HPN: variants seen among roughly 807,000 people sequenced by gnomAD.
The protein encoded by HPN is hepsin.
In HPN, 13 loss-of-function variants were observed where a neutral mutation model predicts 55.9. That is an observed-to-expected ratio of 0.23 (90% CI 0.15 to 0.37). The LOEUF is 0.37. Ranked by LOEUF, HPN falls within the 10% of genes least tolerant of loss-of-function variation. HPN has a pLI of 1.00. For missense variants in HPN, 451 were observed against 575.8 expected (o/e 0.78, Z 2.22); for synonymous variants, 225 against 240.3 (o/e 0.94, Z 0.59).
chr19:35,048,082 A>AAAGGAAGGAAGG (rs1555723024), intron 2 of HPN, among the ~76,000 whole-genome samples: 9 of 96,984 alleles, frequency 9.3e-5, no homozygotes, highest in African/African-American at 3.6e-4. Context: ...GAAAGAAAGA[A>AAAGGAAGGAAGG]AAGGAAGGAA....
In HPN at chr19:35,048,028, A is replaced by AAAAGAAAGAAAGAAAGAAAGAAAG. The variant is rs1555722914; in HGVS notation, c.17-1230_17-1207dup. On this transcript the variant is annotated intron_variant, in intron 2 of 12. Coordinates refer to ENST00000672452, the MANE Select transcript of HPN (RefSeq NM_001384133.1). ...AGAAAAAGAAAGAGAGAGAGAGAGA[A>AAAAGAAAGAAAGAAAGAAAGAAAG]AAAGAAAGAAAGAAAGAAAGAAAGA... Among the ~76,000 whole-genome samples, 14 of 87,452 alleles carry AAAAGAAAGAAAGAAAGAAAGAAAG rather than the reference A, an allele frequency of 1.6e-4. No individual in the cohort carries two copies. In the East Asian group the frequency reaches 1.8e-3, roughly 11 times the overall value. The allele number at this position is 87,452 out of a possible 152,430, so 57.4% of individuals were successfully genotyped here. A position where few individuals can be genotyped will look rare whatever the true frequency, so the allele number is the denominator to read the frequency against.
chr19:35,060,139 A>G lies in HPN; in HGVS notation c.424A>G (p.Arg142Gly). 1 of 1,614,180 alleles carries G rather than the reference A, an allele frequency of 6.2e-7. No individual in the cohort carries two copies. The highest frequency in any genetic ancestry group is 8.5e-7 in the Non-Finnish European group (1 of 1,180,028). ...TCCCATCTCTCCCAGTGATTGCCCC[A>G]GAGGCCGTTTCTTGGCCGCCATCTG... ...LEVISVCDCP[R>G]GRFLAAICQD... The change falls in exon 7 of 13, where the codon AGA becomes GGA. Residue 142 changes from arginine (R) to glycine (G), a missense_variant. Around this residue, in one of 2 missense-constraint regions of HPN, gnomAD observed 378 missense variants for 445.5 expected, o/e 0.85. Coordinates refer to ENST00000672452, the MANE Select transcript of HPN (RefSeq NM_001384133.1).
Position 35,043,595 on chromosome 19 carries a change from C to T in HPN, c.16+1073C>T, listed in dbSNP as rs1231377825. On this transcript the variant is annotated intron_variant, in intron 2 of 12. Coordinates refer to ENST00000672452, the MANE Select transcript of HPN (RefSeq NM_001384133.1). ...GCCAGGATGGGCAGGAAGCACTGAG[C>T]GTGTTGGCTGAAATGATTAGTTCAG... 3.3e-5 allele frequency among the ~76,000 whole-genome samples: 5 copies of T among 152,196 alleles called. No individual in the cohort carries two copies. In the East Asian group the frequency reaches 5.8e-4, roughly 18 times the overall value.
At chr19:35,046,710 G>A (rs1030453556) in intron 2 of HPN, among the ~76,000 whole-genome samples, 13 of 152,264 alleles carry the variant, frequency 8.5e-5, no homozygotes, top group South Asian at 4.1e-4. Context: ...GGTGCTTTGC[G>A]GCTGCCAAGG....
At chr19:35,065,834 T>G (rs761740499) in intron 11 of HPN, 34 bp from the exon 12 acceptor site, 1 of 1,611,966 alleles carries the variant, frequency 6.2e-7, no homozygotes, top group East Asian at 2.2e-5. Flanking sequence ...CCAACCACTT[T>G]GGCCTTCAGC....
chr19:35,062,471 A>G (rs116659876), intron 9 of HPN, among the ~76,000 whole-genome samples: 3,320 of 152,300 alleles, frequency 0.022, 123 homozygotes, highest in African/African-American at 0.077. Context: ...TCCCTCTGCA[A>G]TTCCCTGGAG....
At chr19:35,066,124 C>G in intron 12 of HPN, 92 bp downstream of exon 12, 8 of 1,612,822 alleles carry the variant, frequency 5.0e-6, no homozygotes, top group Non-Finnish European at 6.8e-6. Context: ...GAAACCTACG[C>G]TCAGGCCTAG....
Position 35,065,550 on chromosome 19 carries a change from G to T in HPN, c.919G>T (p.Gly307Trp). The change falls in exon 11 of 13, where the codon GGG (glycine) becomes TGG (tryptophan). Residue 307 changes from glycine to tryptophan, a missense_variant. Transcript: ENST00000672452. Reference protein sequence around the residue: ...GNTQYYGQQAGVLQEARVPII... With the variant: ...GNTQYYGQQAWVLQEARVPII... The stretch of plus-strand genomic sequence containing the variant: ...CTGCACACCCCCAGGCCAACAGGCC[G>T]GGGTACTCCAGGAGGCTCGAGTCCC... 6.2e-7 allele frequency: 1 copy of T among 1,613,976 alleles called. No individual in the cohort carries two copies. The highest frequency in any genetic ancestry group is 8.5e-7 in the Non-Finnish European group (1 of 1,179,986).
At chr19:35,045,612 G>A (rs939575171) in intron 2 of HPN, among the ~76,000 whole-genome samples, 5 of 152,144 alleles carry the variant, frequency 3.3e-5, no homozygotes, top group Non-Finnish European at 7.4e-5. Flanking sequence ...AAGGGAAATA[G>A]CCCTGCTGCT....
chr19:35,042,451 A>G lies in HPN; in HGVS notation c.-54-2A>G. ...CCTGCCTCCCCGTCCATCTCCTCAC[A>G]GGTCCCACCCTGGCCCAGGAGGTCA... On this transcript the variant is annotated splice_acceptor_variant, in intron 1 of 12. Coordinates refer to ENST00000672452, the MANE Select transcript of HPN (RefSeq NM_001384133.1). LOFTEE classifies it low-confidence loss of function (5UTR_SPLICE). 1.3e-6 allele frequency: 2 copies of G among 1,579,170 alleles called. No individual in the cohort carries two copies. Among genetic ancestry groups the G allele is most frequent in the Non-Finnish European group, 1.7e-6 (2 of 1,162,876 alleles).
At chr19:35,041,393 G>A (rs1030766840), upstream of HPN, among the ~76,000 whole-genome samples, 1 of 152,082 alleles carries the variant, frequency 6.6e-6, no homozygotes, top group African/African-American at 2.4e-5. Context: ...AAAGGGCGGG[G>A]GGAAGGGTTC....
intron 12 of HPN, 65 bp downstream of exon 12, chr19:35,066,097 G>T: frequency 6.2e-7 from 1 of 1,611,072 alleles, no homozygotes; most frequent in Non-Finnish European, 8.5e-7. Context: ...GGGAAGGGAG[G>T]CAGAGATTTG....
chr19:35,047,108 G>A (rs553112326), intron 2 of HPN, among the ~76,000 whole-genome samples: 8 of 152,266 alleles, frequency 5.3e-5, no homozygotes, highest in East Asian at 1.9e-4. Context: ...GATTACAGGC[G>A]TGAGCCACCG....
chr19:35,050,638 T>TC, intron 4 of HPN: 1 of 738,588 alleles, frequency 1.4e-6, no homozygotes, highest in Non-Finnish European at 2.0e-6. Context: ...TGCCATTCCC[T>TC]GATGCAGGAC....
Position 35,060,769 on chromosome 19 carries a change from A to C in HPN, c.763A>C (p.Ser255Arg). The C allele has an allele frequency of 6.2e-7, 1 of 1,611,394 alleles. No homozygotes were observed. Among genetic ancestry groups the C allele is most frequent in the Non-Finnish European group, 8.5e-7 (1 of 1,178,626 alleles). ...TCGGGACCCCAACAGCGAGGAGAAC[A>C]GCAACGATATTGCCCTGGTCCACCT... ...PFRDPNSEEN[S>R]NDIALVHLSS... The change falls in exon 9 of 13, where the codon AGC becomes CGC. Residue 255 changes from serine to arginine, a missense_variant. Ser to Arg is a moderately radical substitution (Grantham distance 110). Around this residue, in one of 2 missense-constraint regions of HPN, gnomAD observed 378 missense variants for 445.5 expected, o/e 0.85. Transcript: ENST00000672452.
At chr19:35,063,803 G>A (rs2064565798) in intron 9 of HPN, among the ~76,000 whole-genome samples, 1 of 152,110 alleles carries the variant, frequency 6.6e-6, no homozygotes, top group African/African-American at 2.4e-5. Flanking sequence ...TGGGCTTTGG[G>A]GTCAGATTCA....
chr19:35,047,231 C>T (rs1022517498), intron 2 of HPN, among the ~76,000 whole-genome samples: 4 of 152,246 alleles, frequency 2.6e-5, no homozygotes, highest in Non-Finnish European at 5.9e-5. Flanking sequence ...GTTCCCACTA[C>T]CTTCCCCAAG....
intron 9 of HPN, among the ~76,000 whole-genome samples, chr19:35,061,641 C>T (rs938860507): frequency 6.6e-6 from 1 of 152,042 alleles, no homozygotes; most frequent in Admixed American, 6.6e-5. Context: ...TATATCCACA[C>T]AACGGGAGAA....
rs746249171 is a variant in HPN, at chr19:35,060,311, C to T, written c.455-36C>T. ...GGCTCTGGGGACCTGGGCTCCAGTC[C>T]CCTGTCGCCGCCCCCTGCTGACCCT... On this transcript the variant is annotated intron_variant, in intron 7 of 12. Coordinates refer to ENST00000672452, the MANE Select transcript of HPN (RefSeq NM_001384133.1). 13 of 1,606,490 alleles carry T rather than the reference C, an allele frequency of 8.1e-6. No homozygotes were observed. In the South Asian group the frequency reaches 9.9e-5, roughly 12 times the overall value.
Sources: allele counts gnomAD v4.1 joint callset (sites outside exome capture counted in the v4.1 genomes callset), GRCh38; gene constraint gnomAD v4.1.1; regional missense constraint gnomAD v4.1.1; transcripts MANE v1.5; gene names NCBI Gene and HGNC (gene_info 2026-07-23, HGNC 2026-07-21).